The following RBBP5 variants were observed in gnomAD, a reference collection of about 807,000 sequenced individuals.
The protein encoded by RBBP5 is RB binding protein 5, histone lysine methyltransferase complex subunit, also known as retinoblastoma-binding protein 5.
A neutral mutation model predicts 72.2 loss-of-function variants in RBBP5; 5 were observed. That is an observed-to-expected ratio of 0.07 (90% CI 0.04 to 0.15). The LOEUF is 0.15. RBBP5 is among the 10% of genes least tolerant of loss of function. The pLI is 1.00. For synonymous variants in RBBP5, 209 were observed against 237.2 expected (o/e 0.88, Z 1.09); for missense variants, 322 against 652.2 (o/e 0.49, Z 5.51).
At chr1:205,111,199 G>A (rs1389580441) in intron 3 of RBBP5, among the ~76,000 whole-genome samples, 2 of 152,216 alleles carry the variant, frequency 1.3e-5, no homozygotes, top group East Asian at 3.8e-4. Context: ...TAACACTTCT[G>A]GAAGTCTACT....
chr1:205,096,893 A>G lies in RBBP5; in HGVS notation c.1185T>C (p.Asp395=). 6.2e-7 allele frequency: 1 copy of G among 1,600,854 alleles called. No homozygotes were observed. ...AFCSSDEELE[D]SKALLYLPIA... ...TGGGTAAATACAATAGAGCCTTTGA[A>G]TCTTCCAGCTCTTCATCACTATTTG... The change falls in exon 12 of 14, where the codon GAT becomes GAC. Residue 395 remains aspartate (D), a synonymous_variant. Transcript: ENST00000264515.
At chr1:205,095,142 G>GA in intron 12 of RBBP5, 78 bp from the exon 13 acceptor site, 2 of 1,363,620 alleles carry the variant, frequency 1.5e-6, no homozygotes, top group Non-Finnish European at 2.0e-6. Flanking sequence ...GTTGAGCAAA[G>GA]AATGTTGCTT....
intron 3 of RBBP5, 72 bp from the exon 4 acceptor site, chr1:205,105,240 A>G: frequency 6.6e-7 from 1 of 1,522,670 alleles, no homozygotes; most frequent in Non-Finnish European, 9.0e-7. Flanking sequence ...TAAACTGTGT[A>G]AGTCACACAC....
chr1:205,104,247 T>C lies in RBBP5; in HGVS notation c.360-228A>G, dbSNP rs568503278. ...CATTAAAAAAAAGTAAGAGGCCAGG[T>C]GCAGTGGCTCACGCCTGTAATCCCA... On this transcript the variant is annotated intron_variant, in intron 4 of 13. Coordinates refer to ENST00000264515, the MANE Select transcript of RBBP5 (RefSeq NM_005057.4). Among the ~76,000 whole-genome samples the C allele has an allele frequency of 1.1e-3, 166 of 150,210 alleles. 1 individual carries two copies. Among genetic ancestry groups the C allele is most frequent in the African/African-American group, 3.8e-3 (156 of 40,790 alleles).
chr1:205,113,874 G>A (rs113048508), intron 3 of RBBP5, among the ~76,000 whole-genome samples: 1 of 151,820 alleles, frequency 6.6e-6, no homozygotes, highest in African/African-American at 2.4e-5. Flanking sequence ...TAGTAGAGAC[G>A]GGGTTTCACC....
intron 3 of RBBP5, among the ~76,000 whole-genome samples, chr1:205,111,987 T>A (rs74139118): frequency 0.011 from 1,701 of 152,142 alleles, 38 homozygotes; most frequent in African/African-American, 0.039. Context: ...GCTTGGAATA[T>A]ATCTGGCAAC....
At position 205,103,929 on chromosome 1, in the gene RBBP5, G is replaced by C; in HGVS notation, c.450C>G (p.Asp150Glu). 1 of 1,614,092 alleles carries C rather than the reference G, an allele frequency of 6.2e-7. No homozygotes were observed. Among genetic ancestry groups the C allele is most frequent in the Non-Finnish European group, 8.5e-7 (1 of 1,180,016 alleles). Residue 150 changes from aspartate to glutamate, a missense_variant, in exon 5 of 14, where the codon GAC becomes GAG. This residue lies in a region of RBBP5 where 161 missense variants were observed against 327.8 expected (regional missense o/e 0.49). Coordinates refer to ENST00000264515, the MANE Select transcript of RBBP5 (RefSeq NM_005057.4). ...AAGATGCCACAACGTTCAAATCGGAGTCATCGTCCACCGGCAGAACAACAT... is the reference window on the plus strand; with the variant it reads ...AAGATGCCACAACGTTCAAATCGGACTCATCGTCCACCGGCAGAACAACAT... Reference protein sequence around the residue: ...SKHVVLPVDDDSDLNVVASFD... With the variant: ...SKHVVLPVDDESDLNVVASFD...
At chr1:205,100,679 T>G (rs1655784878) in intron 6 of RBBP5, among the ~76,000 whole-genome samples, 1 of 152,344 alleles carries the variant, frequency 6.6e-6, no homozygotes, top group Non-Finnish European at 1.5e-5. Context: ...TTGAAAATCT[T>G]AGAAATCTGT....
intron 10 of RBBP5, 84 bp downstream of exon 10, chr1:205,098,905 T>C (rs937904949): frequency 6.2e-6 from 5 of 812,796 alleles, no homozygotes; most frequent in Admixed American, 6.2e-5. Context: ...AGTGCTGAAA[T>C]AAATTTACAA....
At chr1:205,118,567 C>T (rs1430787302) in intron 1 of RBBP5, among the ~76,000 whole-genome samples, 2 of 151,940 alleles carry the variant, frequency 1.3e-5, no homozygotes, top group Admixed American at 1.3e-4. Context: ...GAGCCAAGAT[C>T]GCCAAGATCA....
At chr1:205,114,628 G>A (rs1656451311) in intron 3 of RBBP5, among the ~76,000 whole-genome samples, 161 bp downstream of exon 3, 1 of 152,138 alleles carries the variant, frequency 6.6e-6, no homozygotes, top group Non-Finnish European at 1.5e-5. Context: ...GGTGCTTCAA[G>A]GACAGCATGG....
At chr1:205,104,698 A>G (rs984803670) in intron 4 of RBBP5, among the ~76,000 whole-genome samples, 1 of 151,944 alleles carries the variant, frequency 6.6e-6, no homozygotes, top group Non-Finnish European at 1.5e-5. Flanking sequence ...AAAATTAGCC[A>G]GGCATGGTGG....
chr1:205,097,486 G>C, intron 10 of RBBP5, 91 bp from the exon 11 acceptor site: 1 of 1,246,844 alleles, frequency 8.0e-7, no homozygotes, highest in Non-Finnish European at 1.1e-6. Flanking sequence ...TGAAATTCCA[G>C]AGAAACAAAG....
At chr1:205,108,175 G>A (rs1330690130) in intron 3 of RBBP5, among the ~76,000 whole-genome samples, 1 of 149,672 alleles carries the variant, frequency 6.7e-6, no homozygotes, top group Non-Finnish European at 1.5e-5. Context: ...CTTGGGAGGC[G>A]GAGGTTGCAG....
chr1:205,096,512 G>A (rs911146501), intron 12 of RBBP5, among the ~76,000 whole-genome samples, 170 bp downstream of exon 12: 1 of 152,220 alleles, frequency 6.6e-6, no homozygotes, highest in African/African-American at 2.4e-5. Flanking sequence ...CATTTTAAGA[G>A]AGAAGTGAAC....
intron 12 of RBBP5, among the ~76,000 whole-genome samples, chr1:205,096,086 G>A (rs887048344): frequency 1.3e-5 from 2 of 152,032 alleles, no homozygotes; most frequent in Non-Finnish European, 2.9e-5. Flanking sequence ...CCAGCTACTC[G>A]GGAGGCTGAG....
At chr1:205,106,285 A>G (rs1411514116) in intron 3 of RBBP5, among the ~76,000 whole-genome samples, 2 of 152,178 alleles carry the variant, frequency 1.3e-5, no homozygotes, top group African/African-American at 2.4e-5. Context: ...GAGGCCTGCT[A>G]AACTAAAAGA....
chr1:205,118,884 T>C (rs1656631711), intron 1 of RBBP5, among the ~76,000 whole-genome samples: 1 of 152,254 alleles, frequency 6.6e-6, no homozygotes. Flanking sequence ...TGTCTACCTA[T>C]GAGCCACTTG....
At chr1:205,114,101 T>G (rs1245820987) in intron 3 of RBBP5, among the ~76,000 whole-genome samples, 1 of 152,246 alleles carries the variant, frequency 6.6e-6, no homozygotes, top group Admixed American at 6.5e-5. Flanking sequence ...AAGAAAAGTT[T>G]TGGCCCAGGC....
Sources: allele counts gnomAD v4.1 joint callset (sites outside exome capture counted in the v4.1 genomes callset), GRCh38; gene constraint gnomAD v4.1.1; regional missense constraint gnomAD v4.1.1; transcripts MANE v1.5; gene names NCBI Gene and HGNC (gene_info 2026-07-23, HGNC 2026-07-21).